SYT2: variants seen among roughly 807,000 people sequenced by gnomAD.
SYT2 encodes the protein synaptotagmin 2, also known as synaptotagmin-2.
SYT2 carries 15 observed loss-of-function variants against 39.9 expected under a neutral mutation model. The ratio of observed to expected loss-of-function variants is 0.38; its 90% CI spans 0.25 to 0.58. SYT2 has a LOEUF of 0.58. Ranked by LOEUF, SYT2 falls within the 20% of genes least tolerant of loss-of-function variation. The pLI, the probability that SYT2 is intolerant of heterozygous loss-of-function variation, is 0.70. For missense variants in SYT2, 389 were observed against 530.3 expected, an observed-to-expected ratio of 0.73 and a Z score of 2.62; for synonymous variants, 181 against 204.5, an observed-to-expected ratio of 0.89 and a Z score of 0.98.
At chr1:202,699,331 C>G (rs186374396) in intron 1 of SYT2, among the ~76,000 whole-genome samples, 2 of 152,098 alleles carry the variant, frequency 1.3e-5, no homozygotes, top group Non-Finnish European at 2.9e-5. Flanking sequence ...CTCCAGTGCC[C>G]AAATTGGACT....
chr1:202,659,263 T>G (rs189236757), intron 1 of SYT2, among the ~76,000 whole-genome samples: 1 of 152,310 alleles, frequency 6.6e-6, no homozygotes. Flanking sequence ...GGGTTTCATT[T>G]TAAGGGAACT....
At chr1:202,651,618 C>T (rs1261291299) in intron 1 of SYT2, among the ~76,000 whole-genome samples, 3 of 152,178 alleles carry the variant, frequency 2.0e-5, no homozygotes, top group Admixed American at 1.3e-4. Flanking sequence ...CTTTCCACCT[C>T]GGCACATTCC....
At position 202,596,808 on chromosome 1, in the gene SYT2, G is replaced by A; in HGVS notation, c.1209C>T (p.His403=). 6.2e-7 allele frequency: 1 copy of A among 1,614,190 alleles called. No individual in the cohort carries two copies. The highest frequency in any genetic ancestry group is 8.5e-7 in the Non-Finnish European group (1 of 1,180,012). ...ANPRRPIAQW[H]SLKPEEEVDA... is the part of the protein sequence containing the mutation. ...CCACCTCCTCCTCAGGCTTGAGCGAGTGCCACTGGGCGATGGGCCTCCGGG... is the reference window on the plus strand; with the variant it reads ...CCACCTCCTCCTCAGGCTTGAGCGAATGCCACTGGGCGATGGGCCTCCGGG... Residue 403 remains histidine (H), a synonymous_variant, in exon 9 of 9, where the codon CAC becomes CAT. Transcript: ENST00000367268.
chr1:202,613,396 T>C lies in SYT2; in HGVS notation c.-17-7607A>G, dbSNP rs190164207. On this transcript the variant is annotated intron_variant, in intron 1 of 8. Coordinates refer to ENST00000367268, the MANE Select transcript of SYT2 (RefSeq NM_177402.5). ...GCGTTCAGCCTGAAATCATTTGTTCTAATAATTTGTGTGTGTGTGCATGTG... is the reference window on the plus strand; with the variant it reads ...GCGTTCAGCCTGAAATCATTTGTTCCAATAATTTGTGTGTGTGTGCATGTG... 5.9e-5 allele frequency among the ~76,000 whole-genome samples: 9 copies of C among 152,288 alleles called. No individual in the cohort carries two copies. The East Asian group carries it at 1.7e-3, about 29-fold the overall frequency.
intron 1 of SYT2, among the ~76,000 whole-genome samples, chr1:202,625,844 C>G (rs117557814): frequency 6.6e-6 from 1 of 151,674 alleles, no homozygotes; most frequent in Non-Finnish European, 1.5e-5. Context: ...CCGGCAGCAC[C>G]GGGGAGGGGG....
chr1:202,603,267 G>A, intron 3 of SYT2, 149 bp from the exon 4 acceptor site: 1 of 1,127,614 alleles, frequency 8.9e-7, no homozygotes, highest in Non-Finnish European at 1.2e-6. Flanking sequence ...ACGTGGCCCT[G>A]CCATGGGACC....
intron 1 of SYT2, among the ~76,000 whole-genome samples, chr1:202,617,178 T>TA (rs1193172567): frequency 6.6e-6 from 1 of 152,240 alleles, no homozygotes; most frequent in African/African-American, 2.4e-5. Context: ...GGGGCCTTTG[T>TA]ATATGCTGTG....
chr1:202,694,640 G>A (rs1231333877), intron 1 of SYT2, among the ~76,000 whole-genome samples: 2 of 151,956 alleles, frequency 1.3e-5, no homozygotes, highest in South Asian at 4.2e-4. Flanking sequence ...AAAGGAAGGG[G>A]TTCCGCCCTG....
chr1:202,652,124 T>A (rs548959974), intron 1 of SYT2, among the ~76,000 whole-genome samples: 1 of 152,174 alleles, frequency 6.6e-6, no homozygotes, highest in South Asian at 2.1e-4. Flanking sequence ...TCTGGGAGAG[T>A]TGTTCCCTCT....
chr1:202,638,793 C>T (rs1350534227), intron 1 of SYT2, among the ~76,000 whole-genome samples: 1 of 152,180 alleles, frequency 6.6e-6, no homozygotes, highest in Non-Finnish European at 1.5e-5. Context: ...CAGACTTATT[C>T]CCCGTCCTTT....
At chr1:202,597,532 TTCAG>T (rs1359516907) in intron 8 of SYT2, among the ~76,000 whole-genome samples, 1 of 152,128 alleles carries the variant, frequency 6.6e-6, no homozygotes, top group African/African-American at 2.4e-5. Flanking sequence ...ACATTAGATG[TTCAG>T]TCATTGAGGT....
Position 202,596,320 on chromosome 1 carries a change from C to G in SYT2, c.*437G>C, listed in dbSNP as rs1690296116. Reference sequence around the variant, plus strand: ...ACACACACACACATACACACACACACACACACACACACACACGATCATTGG... The same window carrying G: ...ACACACACACACATACACACACACAGACACACACACACACACGATCATTGG... On this transcript the variant is annotated 3_prime_UTR_variant, in exon 9 of 9. Coordinates refer to ENST00000367268, the MANE Select transcript of SYT2 (RefSeq NM_177402.5). 1 of 178,826 alleles carries G rather than the reference C, an allele frequency of 5.6e-6. No individual in the cohort carries two copies. 11.1% of individuals were successfully genotyped at this position (178,826 alleles called of 1,614,324 possible).
chr1:202,645,367 C>T (rs1418144255), intron 1 of SYT2, among the ~76,000 whole-genome samples: 7 of 152,196 alleles, frequency 4.6e-5, no homozygotes, highest in Non-Finnish European at 8.8e-5. Context: ...GTTTTGAAAT[C>T]TCCCCCAAAC....
chr1:202,602,506 G>A lies in SYT2; in HGVS notation c.505C>T (p.Leu169=), dbSNP rs1240316733. ...GGGTCTGAGGTGCCTCCCATGTCCAGGGCAGGCAGTTCAGCAGCCTGCAGA... is the reference window on the plus strand; with the variant it reads ...GGGTCTGAGGTGCCTCCCATGTCCAAGGCAGGCAGTTCAGCAGCCTGCAGA... ...GVLQAAELPA[L]DMGGTSDPYV... The change falls in exon 5 of 9, where the codon CTG becomes TTG. Residue 169 remains leucine, a synonymous_variant. Coordinates refer to ENST00000367268, the MANE Select transcript of SYT2 (RefSeq NM_177402.5). The A allele has an allele frequency of 6.2e-7, 1 of 1,613,960 alleles. No homozygotes were observed. The highest frequency in any genetic ancestry group is 1.3e-5 in the African/African-American group (1 of 75,044).
chr1:202,663,084 G>A (rs780529247), intron 1 of SYT2, among the ~76,000 whole-genome samples: 4 of 143,996 alleles, frequency 2.8e-5, no homozygotes, highest in Non-Finnish European at 4.7e-5. Context: ...AAGTTTTCCT[G>A]GGATTATGAG....
chr1:202,697,698 A>G (rs997009868), intron 1 of SYT2, among the ~76,000 whole-genome samples: 1 of 152,210 alleles, frequency 6.6e-6, no homozygotes, highest in African/African-American at 2.4e-5. Flanking sequence ...ACAGACACAC[A>G]CAGCAACTAT....
At position 202,687,666 on chromosome 1, in the gene SYT2, CAAAAA is replaced by C. The variant is rs59844832; in HGVS notation, c.-18+22587_-18+22591del. On this transcript the variant is annotated intron_variant, in intron 1 of 8. Coordinates refer to ENST00000367268, the MANE Select transcript of SYT2 (RefSeq NM_177402.5). ...GGGCAACAAGAGTGAAACTCCATCT[CAAAAA>C]AAAAAAAAAAAAAGAAAAGAAAGAA... Among the ~76,000 whole-genome samples the C allele has an allele frequency of 2.4e-4, 20 of 83,958 alleles. No homozygotes were observed. The East Asian group carries it at 4.8e-3, about 20-fold the overall frequency. The allele number at this position is 83,958 out of a possible 152,430, so 55.1% of individuals were successfully genotyped here. A position where few individuals can be genotyped will look rare whatever the true frequency, so the allele number is the denominator to read the frequency against.
intron 1 of SYT2, among the ~76,000 whole-genome samples, chr1:202,703,663 C>T (rs1049434771): frequency 3.3e-5 from 5 of 152,104 alleles, no homozygotes; most frequent in African/African-American, 9.7e-5. Flanking sequence ...ATTTTTGCCT[C>T]GGTCACCTCT....
At chr1:202,631,383 G>T (rs972424590) in intron 1 of SYT2, among the ~76,000 whole-genome samples, 1 of 152,180 alleles carries the variant, frequency 6.6e-6, no homozygotes, top group Admixed American at 6.5e-5. Context: ...AACACAGCTA[G>T]CCTGCATCAG....
Sources: gnomAD v4.1 joint callset for allele counts (sites outside exome capture counted in the v4.1 genomes callset) on GRCh38, gnomAD v4.1.1 for gene constraint, MANE v1.5 for transcripts, NCBI Gene and HGNC (gene_info 2026-07-23, HGNC 2026-07-21) for gene names.